The following PARD6G variants were observed in gnomAD, a reference collection of about 807,000 sequenced individuals.
PARD6G encodes the protein partitioning defective 6 homolog gamma.
In PARD6G, 7 loss-of-function variants were observed where a neutral mutation model predicts 10.7. The ratio of observed to expected loss-of-function variants is 0.66; its 90% CI spans 0.37 to 1.23. The LOEUF (loss-of-function observed/expected upper bound fraction) is 1.23. Among genes scored for constraint, PARD6G ranks in the 50% most tolerant of loss-of-function variants. The probability of loss-of-function intolerance (pLI) is 0.02; values close to 1 mark genes in which losing one functional copy is unlikely to be tolerated. For missense variants in PARD6G, 548 were observed against 571.8 expected, an observed-to-expected ratio of 0.96 and a Z score of 0.42; for synonymous variants, 287 against 269.4, an observed-to-expected ratio of 1.07 and a Z score of -0.64.
intron 2 of PARD6G, among the ~76,000 whole-genome samples, chr18:80,166,396 G>A (rs1019729795): frequency 6.6e-6 from 1 of 151,554 alleles, no homozygotes; most frequent in Non-Finnish European, 1.5e-5. Context: ...TCTGGGGCAC[G>A]TGTGCCATGG....
chr18:80,236,174 C>T (rs2145304969), intron 1 of PARD6G, among the ~76,000 whole-genome samples: 1 of 152,308 alleles, frequency 6.6e-6, no homozygotes, highest in South Asian at 2.1e-4. Flanking sequence ...GGCTTCATCC[C>T]TGGGATGCAA....
intron 1 of PARD6G, among the ~76,000 whole-genome samples, chr18:80,206,228 G>A (rs147423477): frequency 6.6e-6 from 1 of 152,280 alleles, no homozygotes; most frequent in African/African-American, 2.4e-5. Flanking sequence ...CAGCTATATG[G>A]TAAACATGCT....
At chr18:80,173,460 A>G (rs914055981) in intron 2 of PARD6G, among the ~76,000 whole-genome samples, 5 of 152,150 alleles carry the variant, frequency 3.3e-5, no homozygotes, top group African/African-American at 1.2e-4. Context: ...CCTCATCTCT[A>G]CTAAAAATGC....
At position 80,201,889 on chromosome 18, in the gene PARD6G, G is replaced by A. The variant is rs1967011043; in HGVS notation, c.295+821C>T. On this transcript the variant is annotated intron_variant, in intron 2 of 2. Transcript: ENST00000353265. This position sits in a 1 kb window ranked among gnomAD's most constrained non-coding sequence, Gnocchi z 5.9. ...TAGTCTCAGCTCAGCCTTTCCTCCG[G>A]GAAACCTCTCCTAGCTGTCCCAGAG... 1 of 152,190 alleles carries A rather than the reference G, an allele frequency of 6.6e-6. No homozygotes were observed. The highest frequency in any genetic ancestry group is 6.5e-5 in the Admixed American group (1 of 15,276). The allele number at this position is 152,190 out of a possible 1,614,324, so 9.4% of individuals were successfully genotyped here. A position where few individuals can be genotyped will look rare whatever the true frequency, so the allele number is the denominator to read the frequency against.
In PARD6G at chr18:80,159,814, G is replaced by C; in HGVS notation, c.1088C>G (p.Pro363Arg). 3 of 1,466,724 alleles carry C rather than the reference G, an allele frequency of 2.0e-6. No individual in the cohort carries two copies. The South Asian group carries it at 4.2e-5, about 20-fold the overall frequency. The allele number at this position is 1,466,724 out of a possible 1,614,324, so 90.9% of individuals were successfully genotyped here. The part of the protein sequence containing the change: ...RADPRHSLAL[P>R]PGGVEEHGPA... ...CCCGTGCTCCTCCACGCCGCCTGGC[G>C]GCAGCGCCAGGCTGTGACGGGGGTC... Residue 363 changes from proline (P) to arginine (R), a missense_variant, in exon 3 of 3, where the codon CCG (proline) becomes CGG (arginine). Around this residue, in one of 2 missense-constraint regions of PARD6G, gnomAD observed 313 missense variants for 279.9 expected, o/e 1.12. Coordinates refer to ENST00000353265, the MANE Select transcript of PARD6G (RefSeq NM_032510.4).
intron 1 of PARD6G, among the ~76,000 whole-genome samples, chr18:80,237,328 T>C (rs1967435615): frequency 6.6e-6 from 1 of 152,180 alleles, no homozygotes; most frequent in African/African-American, 2.4e-5. Context: ...ATCCCTTCCT[T>C]ACACCTTATA....
At chr18:80,174,817 G>A (rs1041658398) in intron 2 of PARD6G, among the ~76,000 whole-genome samples, 2 of 152,160 alleles carry the variant, frequency 1.3e-5, no homozygotes, top group African/African-American at 4.8e-5. Flanking sequence ...AGCCGGGCTT[G>A]GTGGCGGGCG....
At chr18:80,173,584 C>T (rs1047590393) in intron 2 of PARD6G, among the ~76,000 whole-genome samples, 8 of 151,946 alleles carry the variant, frequency 5.3e-5, no homozygotes, top group African/African-American at 1.9e-4. Context: ...GAGATTGTGC[C>T]ACTGCACTCC....
intron 1 of PARD6G, among the ~76,000 whole-genome samples, chr18:80,227,534 A>C (rs1967305384): frequency 6.6e-6 from 1 of 152,264 alleles, no homozygotes; most frequent in Non-Finnish European, 1.5e-5. Context: ...ACAAGAGGCA[A>C]GGCTGTGTTT....
rs2052890548 is a variant in PARD6G at position 80,188,241 on chromosome 18, C to A, written c.295+14469G>T. Among the ~76,000 whole-genome samples, 1 of 152,012 alleles carries A rather than the reference C, an allele frequency of 6.6e-6. No homozygotes were observed. Among genetic ancestry groups the A allele is most frequent in the Admixed American group, 6.5e-5 (1 of 15,272 alleles). On this transcript the variant is annotated intron_variant, in intron 2 of 2. Coordinates refer to ENST00000353265, the MANE Select transcript of PARD6G (RefSeq NM_032510.4). The surrounding 1 kb of genome is among the most constrained non-coding windows in gnomAD (Gnocchi z 5.4). ...AACCTTCTTGGGTCCCATGGCTGGC[C>A]CCACCCTGGCCTCTCCCTAAGGGCG... is the stretch of plus-strand genomic sequence containing the variant.
At chr18:80,207,943 T>C (rs1389926629) in intron 1 of PARD6G, among the ~76,000 whole-genome samples, 1 of 152,222 alleles carries the variant, frequency 6.6e-6, no homozygotes, top group Admixed American at 6.5e-5. Context: ...GTATAATTTC[T>C]GATTAGAAAA....
At chr18:80,203,650 A>G (rs7235254) in intron 1 of PARD6G, among the ~76,000 whole-genome samples, 33,702 of 151,968 alleles carry the variant, frequency 0.22, 5,117 homozygotes, top group African/African-American at 0.44. Flanking sequence ...TGCTGAAGGG[A>G]CATCTGCACA....
rs768118663 is a variant in PARD6G at position 80,246,119 on chromosome 18, C to A, written c.72+1158G>T. On this transcript the variant is annotated intron_variant, in intron 1 of 2. Coordinates refer to ENST00000353265, the MANE Select transcript of PARD6G (RefSeq NM_032510.4). The surrounding 1 kb of genome is among the most constrained non-coding windows in gnomAD (Gnocchi z 6.7). The stretch of plus-strand genomic sequence containing the variant: ...CAGGGGAGGGAACACCCGCCCTGCG[C>A]CCAAGATAGGCACACAGTTAGGGGT... 1.4e-3 allele frequency among the ~76,000 whole-genome samples: 216 copies of A among 152,160 alleles called. No homozygotes were observed. Among genetic ancestry groups the A allele is most frequent in the Non-Finnish European group, 2.3e-3 (156 of 67,984 alleles).
At chr18:80,174,879 G>A (rs917838826) in intron 2 of PARD6G, among the ~76,000 whole-genome samples, 8 of 152,068 alleles carry the variant, frequency 5.3e-5, no homozygotes, top group Non-Finnish European at 8.8e-5. Flanking sequence ...GCGTGAACCC[G>A]GGAGGCGGAG....
At chr18:80,190,808 T>G (rs1466033065) in intron 2 of PARD6G, among the ~76,000 whole-genome samples, 1 of 152,102 alleles carries the variant, frequency 6.6e-6, no homozygotes, top group Non-Finnish European at 1.5e-5. Context: ...CTGGAACTCT[T>G]TCTTGGTCTC....
rs1967000780 is a variant in PARD6G, at chr18:80,200,805, ACACAAGCC to A, written c.295+1897_295+1904del. Reference sequence around the variant, plus strand: ...AGGTTAGCACGTTCCCATGGGCAACACACAAGCCCACTTTCTGGTCCCAGCCCAGCTTT... The same window carrying A: ...AGGTTAGCACGTTCCCATGGGCAACACACTTTCTGGTCCCAGCCCAGCTTT... On this transcript the variant is annotated intron_variant, in intron 2 of 2. Transcript: ENST00000353265. This position sits in a 1 kb window ranked among gnomAD's most constrained non-coding sequence, Gnocchi z 4.4. Among the ~76,000 whole-genome samples, 1 of 152,320 alleles carries A rather than the reference ACACAAGCC, an allele frequency of 6.6e-6. No individual in the cohort carries two copies. The highest frequency in any genetic ancestry group is 1.9e-4 in the East Asian group (1 of 5,178).
Position 80,202,941 on chromosome 18 carries a change from CAAGAGA to C in PARD6G, c.73-15_73-10del. 1 of 1,443,688 alleles carries C rather than the reference CAAGAGA, an allele frequency of 6.9e-7. No homozygotes were observed. Among genetic ancestry groups the C allele is most frequent in the Non-Finnish European group, 9.4e-7 (1 of 1,066,774 alleles). The allele number at this position is 1,443,688 out of a possible 1,614,324, so 89.4% of individuals were successfully genotyped here. On this transcript the variant is annotated splice_polypyrimidine_tract_variant and intron_variant, in intron 1 of 2. Transcript: ENST00000353265. ...CGGAATTCCGCCCCAAACTACAATG[CAAGAGA>C]CGGGGTGGGGGGAGGGGCATTAATA...
At chr18:80,163,103 ACAAATCTATGCACTTTC>A (rs2145242017) in intron 2 of PARD6G, among the ~76,000 whole-genome samples, 1 of 152,250 alleles carries the variant, frequency 6.6e-6, no homozygotes, top group South Asian at 2.1e-4. Context: ...TCCTTGGATG[ACAAATCTATGCACTTTC>A]AAGAAGGCAA....
At chr18:80,177,343 TACAC>T (rs956209821) in intron 2 of PARD6G, among the ~76,000 whole-genome samples, 1 of 87,842 alleles carries the variant, frequency 1.1e-5, no homozygotes, top group Non-Finnish European at 2.2e-5. Context: ...CACACACACA[TACAC>T]ACACATACAC....
Sources: allele counts gnomAD v4.1 joint callset (sites outside exome capture counted in the v4.1 genomes callset), GRCh38; gene constraint gnomAD v4.1.1; regional missense constraint gnomAD v4.1.1; non-coding constraint Gnocchi (gnomAD v3.1); transcripts MANE v1.5; gene names NCBI Gene and HGNC (gene_info 2026-07-23, HGNC 2026-07-21).